CTDP1: variants seen among roughly 807,000 people sequenced by gnomAD.
CTDP1 encodes the protein RNA polymerase II subunit A C-terminal domain phosphatase.
In CTDP1, 47 loss-of-function variants were observed where a neutral mutation model predicts 91.8. The observed-to-expected ratio is 0.51, with a 90% CI of 0.41 to 0.65. The LOEUF is 0.65. CTDP1 is among the 30% of genes least tolerant of loss of function. CTDP1 has a pLI of 0.00. For synonymous variants in CTDP1, 656 were observed against 598.5 expected, an observed-to-expected ratio of 1.10 and a Z score of -1.40; for missense variants, 1,272 against 1,373.7, an observed-to-expected ratio of 0.93 and a Z score of 1.17.
At chr18:79,727,473 G>A (rs1322041662) in intron 10 of CTDP1, among the ~76,000 whole-genome samples, 8 of 152,058 alleles carry the variant, frequency 5.3e-5, no homozygotes, top group South Asian at 2.1e-4. Context: ...TGGGAAGCGC[G>A]GCTTTCGCGG....
intron 2 of CTDP1, 49 bp downstream of exon 2, chr18:79,695,357 T>C (rs1179455606): frequency 3.8e-6 from 6 of 1,564,264 alleles, no homozygotes; most frequent in Non-Finnish European, 5.3e-6. Flanking sequence ...CTCGAGGTGG[T>C]GGCCTCCGGG....
chr18:79,749,049 C>T (rs2086940434), intron 12 of CTDP1, among the ~76,000 whole-genome samples: 1 of 152,218 alleles, frequency 6.6e-6, no homozygotes, highest in Non-Finnish European at 1.5e-5. Context: ...AAGGTGTGTC[C>T]TGCTGTCAAC....
intron 1 of CTDP1, chr18:79,681,427 C>T: frequency 2.0e-6 from 2 of 983,030 alleles, no homozygotes; most frequent in Non-Finnish European, 2.4e-6. Flanking sequence ...TGGTGTATTC[C>T]CTGGACAGAA....
chr18:79,738,347 G>A (rs753973207), intron 12 of CTDP1, among the ~76,000 whole-genome samples: 4 of 152,214 alleles, frequency 2.6e-5, no homozygotes, highest in Non-Finnish European at 1.5e-5. Flanking sequence ...CTTGTGTCCC[G>A]AGGATTTGCC....
chr18:79,676,813 T>C (rs1410602819), upstream of CTDP1, among the ~76,000 whole-genome samples: 1 of 152,264 alleles, frequency 6.6e-6, no homozygotes, highest in Non-Finnish European at 1.5e-5. Flanking sequence ...TCCCAATAAA[T>C]GTTTCAATCT....
chr18:79,714,666 C>A lies in CTDP1; in HGVS notation c.1206C>A (p.Asp402Glu), dbSNP rs770987096. ...ACTCACCCCGCCCCGGGAAGCCAGA[C>A]GAGAGGGACATCTGGCCCCCTGCCC... ...PRDSPRPGKP[D>E]ERDIWPPAQA... Residue 402 changes from aspartate (D) to glutamate (E), a missense_variant, in exon 8 of 13, where the codon GAC becomes GAA. By Grantham distance (45) the Asp-to-Glu change is conservative. This residue lies in a region of CTDP1 where 881 missense variants were observed against 911.6 expected (regional missense o/e 0.97). Coordinates refer to ENST00000613122, the MANE Select transcript of CTDP1 (RefSeq NM_004715.5). 6.2e-7 allele frequency: 1 copy of A among 1,611,844 alleles called. No homozygotes were observed. Among genetic ancestry groups the A allele is most frequent in the Admixed American group, 1.7e-5 (1 of 59,912 alleles).
chr18:79,695,616 G>T (rs1461103293), intron 2 of CTDP1, among the ~76,000 whole-genome samples: 1 of 152,216 alleles, frequency 6.6e-6, no homozygotes, highest in Non-Finnish European at 1.5e-5. Flanking sequence ...CTCCCTCTGG[G>T]CCGCTGAGCG....
In CTDP1 at chr18:79,713,506, G is replaced by A. The variant is rs115089289; in HGVS notation, c.1030+368G>A. Among the ~76,000 whole-genome samples the A allele has an allele frequency of 0.014, 2,155 of 152,308 alleles. 54 individuals are homozygous for A. Among genetic ancestry groups the A allele is most frequent in the African/African-American group, 0.049 (2,017 of 41,570 alleles). ...GAATGTGGGGGCGGTGGCTCTGCGG[G>A]GAATAACCGTTCCCCATGCGCAGTG... On this transcript the variant is annotated intron_variant, in intron 7 of 12. Transcript: ENST00000613122. This position sits in a 1 kb window ranked among gnomAD's most constrained non-coding sequence, Gnocchi z 4.7.
chr18:79,735,847 A>C, intron 11 of CTDP1: 1 of 171,714 alleles, frequency 5.8e-6, no homozygotes, highest in South Asian at 1.4e-4. Flanking sequence ...ATGTTTCCCA[A>C]ATTGGAGGCG....
chr18:79,698,550 T>C (rs1279397544), intron 4 of CTDP1, among the ~76,000 whole-genome samples: 1 of 152,140 alleles, frequency 6.6e-6, no homozygotes, highest in Non-Finnish European at 1.5e-5. Flanking sequence ...CTCAGCTGTG[T>C]CCTCAGGATG....
chr18:79,749,261 C>G (rs1409404784), intron 12 of CTDP1, among the ~76,000 whole-genome samples: 5 of 152,184 alleles, frequency 3.3e-5, no homozygotes, highest in African/African-American at 4.8e-5. Flanking sequence ...CCCTCCTCTC[C>G]CTGCTTGCCC....
chr18:79,733,130 T>C (rs1003575153), intron 11 of CTDP1, among the ~76,000 whole-genome samples: 2 of 152,138 alleles, frequency 1.3e-5, no homozygotes, highest in Non-Finnish European at 2.9e-5. Context: ...ACAGGACGAA[T>C]GTGTGTTGTG....
chr18:79,687,238 C>T (rs1354762668), intron 1 of CTDP1, among the ~76,000 whole-genome samples: 1 of 134,106 alleles, frequency 7.5e-6, no homozygotes, highest in African/African-American at 3.0e-5. Context: ...GCATGCACCG[C>T]AGCAGTTGGC....
At chr18:79,742,791 C>T (rs1330546371) in intron 12 of CTDP1, among the ~76,000 whole-genome samples, 1 of 152,140 alleles carries the variant, frequency 6.6e-6, no homozygotes, top group African/African-American at 2.4e-5. Context: ...AACCCTGTCT[C>T]TACTGAAAAT....
intron 11 of CTDP1, 99 bp downstream of exon 11, chr18:79,729,168 C>G: frequency 6.8e-7 from 1 of 1,476,614 alleles, no homozygotes; most frequent in Non-Finnish European, 9.4e-7. Flanking sequence ...ACCTGGAGGC[C>G]GAGCTAGAGT....
intron 10 of CTDP1, among the ~76,000 whole-genome samples, chr18:79,722,877 A>T (rs1247908875): frequency 6.6e-6 from 1 of 152,030 alleles, no homozygotes; most frequent in African/African-American, 2.4e-5. Context: ...GCCTGTGTGG[A>T]TTGGCCACGC....
At chr18:79,722,678 C>T (rs2086368182) in intron 10 of CTDP1, among the ~76,000 whole-genome samples, 1 of 152,018 alleles carries the variant, frequency 6.6e-6, no homozygotes, top group African/African-American at 2.4e-5. Flanking sequence ...ACTGAGTTCT[C>T]CTAAAATGAG....
At chr18:79,754,876 A>G (rs531083102), downstream of CTDP1, 1 of 152,362 alleles carries the variant, frequency 6.6e-6, no homozygotes, top group East Asian at 1.9e-4. Context: ...TCCTCCCAGC[A>G]TCAGTCCCGC....
chr18:79,695,228 G>A lies in CTDP1; in HGVS notation c.318G>A (p.Ala106=), dbSNP rs778283061. The A allele has an allele frequency of 6.2e-6, 10 of 1,614,038 alleles. No homozygotes were observed. The highest frequency in any genetic ancestry group is 1.1e-5 in the South Asian group (1 of 91,080). The change falls in exon 2 of 13, where the codon GCG becomes GCA. Residue 106 remains alanine (A), a synonymous_variant. Coordinates refer to ENST00000613122, the MANE Select transcript of CTDP1 (RefSeq NM_004715.5). ...AQPGQVVAPG[A]VLVRLEGCSH... Reference sequence around the variant, plus strand: ...TTCCCCTTGTGTTTTTTTGTAGAGCGGTTCTGGTGAGGTTGGAAGGATGCA... The same window carrying A: ...TTCCCCTTGTGTTTTTTTGTAGAGCAGTTCTGGTGAGGTTGGAAGGATGCA...
Sources: gnomAD v4.1 joint callset for allele counts (sites outside exome capture counted in the v4.1 genomes callset) on GRCh38, gnomAD v4.1.1 for gene constraint, gnomAD v4.1.1 regional missense constraint, Gnocchi (gnomAD v3.1) non-coding constraint, MANE v1.5 for transcripts, NCBI Gene and HGNC (gene_info 2026-07-23, HGNC 2026-07-21) for gene names.